Variants in GRK5 observed in about 807,000 individuals in gnomAD.
GRK5 encodes the protein G protein-coupled receptor kinase 5.
A neutral mutation model predicts 78.4 loss-of-function variants in GRK5; 40 were observed. The observed-to-expected ratio is 0.51, with a 90% CI of 0.40 to 0.66. The LOEUF is 0.66. GRK5 is among the 30% of genes least tolerant of loss of function. The pLI is 0.00. For missense variants in GRK5, 598 were observed against 759.9 expected (o/e 0.79, Z 2.50); for synonymous variants, 289 against 296.8 (o/e 0.97, Z 0.27).
rs576200518 is a variant in GRK5 at position 119,372,516 on chromosome 10, T to C, written c.149-8299T>C. 2.0e-5 allele frequency among the ~76,000 whole-genome samples: 3 copies of C among 152,270 alleles called. No homozygotes were observed. The South Asian group carries it at 6.2e-4, about 32-fold the overall frequency. ...AGGCTTATTACTCAGCACCAATAAATTGCAAGGGACTGAAACCCAACTCAA... is the reference window on the plus strand; with the variant it reads ...AGGCTTATTACTCAGCACCAATAAACTGCAAGGGACTGAAACCCAACTCAA... On this transcript the variant is annotated intron_variant, in intron 2 of 15. Coordinates refer to ENST00000392870, the MANE Select transcript of GRK5 (RefSeq NM_005308.3).
intron 1 of GRK5, among the ~76,000 whole-genome samples, chr10:119,300,831 G>A (rs184717471): frequency 6.6e-6 from 1 of 152,306 alleles, no homozygotes; most frequent in Admixed American, 6.5e-5. Flanking sequence ...AATGGCTCAT[G>A]CCTGTAATCC....
At chr10:119,436,322 C>T (rs1852918240) in intron 8 of GRK5, among the ~76,000 whole-genome samples, 1 of 152,250 alleles carries the variant, frequency 6.6e-6, no homozygotes, top group African/African-American at 2.4e-5. Context: ...AAGGCACCCT[C>T]CAGTCTTCCC....
rs1300638461 is a variant in GRK5 at position 119,264,734 on chromosome 10, G to A, written c.52+56765G>A. On this transcript the variant is annotated intron_variant, in intron 1 of 15. Coordinates refer to ENST00000392870, the MANE Select transcript of GRK5 (RefSeq NM_005308.3). This position sits in a 1 kb window ranked among gnomAD's most constrained non-coding sequence, Gnocchi z 4.1. ...GCAGCCTGGCATTGTAAGTGGGGTA[G>A]GACTATTCTTCAGCAGTGGGAGGGA... is the stretch of plus-strand genomic sequence containing the variant. Among the ~76,000 whole-genome samples, 1 of 152,194 alleles carries A rather than the reference G, an allele frequency of 6.6e-6. No homozygotes were observed. Among genetic ancestry groups the A allele is most frequent in the Admixed American group, 6.5e-5 (1 of 15,278 alleles).
intron 1 of GRK5, among the ~76,000 whole-genome samples, chr10:119,313,406 A>G (rs929099169): frequency 6.6e-6 from 1 of 151,866 alleles, no homozygotes; most frequent in Non-Finnish European, 1.5e-5. Context: ...AGTGGCACCT[A>G]TGAGGTGCTA....
intron 1 of GRK5, among the ~76,000 whole-genome samples, chr10:119,209,684 T>C (rs1848454484): frequency 6.6e-6 from 1 of 151,852 alleles, no homozygotes; most frequent in African/African-American, 2.4e-5. Context: ...CGGTTGTGTA[T>C]CTCAGGATTC....
chr10:119,448,412 C>G (rs1242358388), intron 13 of GRK5, 152 bp downstream of exon 13: 1 of 879,868 alleles, frequency 1.1e-6, no homozygotes, highest in Non-Finnish European at 1.7e-6. Context: ...CTCACCTAAG[C>G]TGCAGATGAA....
intron 1 of GRK5, among the ~76,000 whole-genome samples, chr10:119,286,220 G>C (rs1160597072): frequency 1.3e-5 from 2 of 152,174 alleles, no homozygotes; most frequent in Non-Finnish European, 2.9e-5. Flanking sequence ...CCTGTACCCT[G>C]CAGCCACCAC....
chr10:119,326,694 G>A (rs886370094), intron 2 of GRK5, 83 bp downstream of exon 2: 6 of 1,018,088 alleles, frequency 5.9e-6, no homozygotes, highest in Non-Finnish European at 9.2e-6. Context: ...GCAAATGGGT[G>A]AGCCGCCAAG....
intron 4 of GRK5, among the ~76,000 whole-genome samples, chr10:119,398,712 G>C (rs1026006191): frequency 6.6e-6 from 1 of 152,236 alleles, no homozygotes; most frequent in African/African-American, 2.4e-5. Flanking sequence ...AGGAAGGAGA[G>C]GCTCAGGGGA....
chr10:119,391,471 A>G (rs11198903), intron 3 of GRK5, among the ~76,000 whole-genome samples: 7,835 of 152,304 alleles, frequency 0.051, 367 homozygotes, highest in East Asian at 0.24. Context: ...ATGAGGGCCT[A>G]TTTACAAAGC....
intron 2 of GRK5, among the ~76,000 whole-genome samples, chr10:119,347,077 C>T (rs1038077724): frequency 2.6e-5 from 4 of 152,140 alleles, no homozygotes; most frequent in African/African-American, 9.7e-5. Context: ...GTGGCCGGCA[C>T]CTGGTTTATC....
At chr10:119,240,879 T>C (rs886261029) in intron 1 of GRK5, among the ~76,000 whole-genome samples, 12 of 152,174 alleles carry the variant, frequency 7.9e-5, no homozygotes, top group African/African-American at 2.9e-4. Context: ...CTCAAGCCAC[T>C]GTGCCCAGCC....
rs183718384 is a variant in GRK5, at chr10:119,311,985, A to C, written c.53-14531A>C. ...GGCTGGAGTAGAGTGGCGCGATCTC[A>C]GCTCCACTGCAAGCTCCACCTCCCG... On this transcript the variant is annotated intron_variant, in intron 1 of 15. Coordinates refer to ENST00000392870, the MANE Select transcript of GRK5 (RefSeq NM_005308.3). Among the ~76,000 whole-genome samples, 9 of 139,872 alleles carry C rather than the reference A, an allele frequency of 6.4e-5. No individual in the cohort carries two copies. In the East Asian group the frequency reaches 1.9e-3, roughly 30 times the overall value. 91.8% of individuals were successfully genotyped at this position (139,872 alleles called of 152,430 possible).
intron 4 of GRK5, among the ~76,000 whole-genome samples, chr10:119,415,137 G>A (rs1228231874): frequency 1.3e-5 from 2 of 151,494 alleles, no homozygotes; most frequent in Admixed American, 1.3e-4. Flanking sequence ...TGATGGCAGT[G>A]ATGATGAGAA....
rs971766142 is a variant in GRK5 at position 119,385,189 on chromosome 10, T to A, written c.261+4262T>A. On this transcript the variant is annotated intron_variant, in intron 3 of 15. Coordinates refer to ENST00000392870, the MANE Select transcript of GRK5 (RefSeq NM_005308.3). ...TTTGTGCCATCAGAGAACTTTGACTTTGGGTGAAATGGGGGAGCCACTGGA... is the reference window on the plus strand; with the variant it reads ...TTTGTGCCATCAGAGAACTTTGACTATGGGTGAAATGGGGGAGCCACTGGA... Among the ~76,000 whole-genome samples, 17 of 152,084 alleles carry A rather than the reference T, an allele frequency of 1.1e-4. No homozygotes were observed. The East Asian group carries it at 2.9e-3, about 26-fold the overall frequency.
intron 2 of GRK5, among the ~76,000 whole-genome samples, chr10:119,359,342 G>C (rs994856117): frequency 6.6e-6 from 1 of 152,234 alleles, no homozygotes; most frequent in Non-Finnish European, 1.5e-5. Context: ...AGCTGTAGCT[G>C]TTTTCCAGGA....
rs1853194476 is a variant in GRK5, at chr10:119,448,179, G to A, written c.1323G>A (p.Glu441=). Residue 441 remains glutamate, a synonymous_variant, in exon 13 of 16, where the codon GAG becomes GAA. Coordinates refer to ENST00000392870, the MANE Select transcript of GRK5 (RefSeq NM_005308.3). ...RLGCQEEGAA[E]VKRHPFFRNM... ...GCTGCCAGGAGGAGGGGGCTGCAGAGGTCAAGAGACACCCCTTCTTCAGGA... is the reference window on the plus strand; with the variant it reads ...GCTGCCAGGAGGAGGGGGCTGCAGAAGTCAAGAGACACCCCTTCTTCAGGA... 1 of 1,589,868 alleles carries A rather than the reference G, an allele frequency of 6.3e-7. No homozygotes were observed. Among genetic ancestry groups the A allele is most frequent in the Non-Finnish European group, 8.5e-7 (1 of 1,170,568 alleles).
At chr10:119,250,521 T>TTC (rs1450625087) in intron 1 of GRK5, among the ~76,000 whole-genome samples, 1 of 150,802 alleles carries the variant, frequency 6.6e-6, no homozygotes, top group Non-Finnish European at 1.5e-5. Flanking sequence ...ATTTAAATTT[T>TTC]TTTTTTTTTT....
In GRK5 at chr10:119,456,972, C is replaced by T. The variant is rs1419229339; in HGVS notation, c.*1905C>T. 4.6e-5 allele frequency: 7 copies of T among 152,194 alleles called. No individual in the cohort carries two copies. Among genetic ancestry groups the T allele is most frequent in the South Asian group, 2.1e-4 (1 of 4,834 alleles). The allele number at this position is 152,194 out of a possible 1,614,324, so 9.4% of individuals were successfully genotyped here. A position where few individuals can be genotyped will look rare whatever the true frequency, so the allele number is the denominator to read the frequency against. Reference sequence around the variant, plus strand: ...GGAGAAGAAATAGCTGGGCTTCCCTCAAATCTTTTTAATGTGCAGTATTTT... The same window carrying T: ...GGAGAAGAAATAGCTGGGCTTCCCTTAAATCTTTTTAATGTGCAGTATTTT... On this transcript the variant is annotated 3_prime_UTR_variant, in exon 16 of 16. Transcript: ENST00000392870. The surrounding 1 kb of genome is among the most constrained non-coding windows in gnomAD (Gnocchi z 5.5).
Sources: gnomAD v4.1 joint callset for allele counts (sites outside exome capture counted in the v4.1 genomes callset) on GRCh38, gnomAD v4.1.1 for gene constraint, Gnocchi (gnomAD v3.1) non-coding constraint, MANE v1.5 for transcripts, NCBI Gene and HGNC (gene_info 2026-07-23, HGNC 2026-07-21) for gene names.